The following USH1C variants were observed in gnomAD, a reference collection of about 807,000 sequenced individuals.
USH1C encodes the protein harmonin.
In USH1C, 90 loss-of-function variants were observed where a neutral mutation model predicts 119.3. That is an observed-to-expected ratio of 0.75 (90% CI 0.64 to 0.90). The LOEUF (loss-of-function observed/expected upper bound fraction) is 0.90. Ranked by LOEUF, USH1C falls within the 40% of genes least tolerant of loss-of-function variation. The probability of loss-of-function intolerance (pLI) is 0.00; values close to 1 mark genes in which losing one functional copy is unlikely to be tolerated. For missense variants in USH1C, 1,165 were observed against 1,167.7 expected (o/e 1.00, Z 0.03); for synonymous variants, 465 against 443.3 (o/e 1.05, Z -0.62).
chr11:17,542,934 A>G (rs1406359841), intron 1 of USH1C, among the ~76,000 whole-genome samples: 2 of 152,248 alleles, frequency 1.3e-5, no homozygotes, highest in South Asian at 2.1e-4. Context: ...TGGGAGCAGG[A>G]CCAGAAATGC....
chr11:17,534,675 G>T (rs1209441092), intron 1 of USH1C, among the ~76,000 whole-genome samples: 1 of 152,142 alleles, frequency 6.6e-6, no homozygotes, highest in African/African-American at 2.4e-5. Context: ...AGGAGTTTGA[G>T]ACCAGCCTCG....
Position 17,523,414 on chromosome 11 carries a change from C to T in USH1C, c.819+5G>A. 6 of 1,614,186 alleles carry T rather than the reference C, an allele frequency of 3.7e-6. No homozygotes were observed. Among genetic ancestry groups the T allele is most frequent in the Middle Eastern group, 3.3e-4 (2 of 6,062 alleles). Reference sequence around the variant, plus strand: ...GGCCAACAGGTGAAGACCCCCACATCTCACCTCCTTGTGATCCAGGTTAGA... The same window carrying T: ...GGCCAACAGGTGAAGACCCCCACATTTCACCTCCTTGTGATCCAGGTTAGA... On this transcript the variant is annotated splice_donor_5th_base_variant and intron_variant, in intron 10 of 26. Transcript: ENST00000005226.
At position 17,531,530 on chromosome 11, in the gene USH1C, C is replaced by A. The variant is rs755530588; in HGVS notation, c.117G>T (p.Val39=). 1.2e-6 allele frequency: 2 copies of A among 1,613,398 alleles called. No homozygotes were observed. The highest frequency in any genetic ancestry group is 1.7e-6 in the Non-Finnish European group (2 of 1,180,028). The change falls in exon 3 of 27, where the codon GTG becomes GTT. Residue 39 remains valine, a synonymous_variant. Coordinates refer to ENST00000005226, the MANE Select transcript of USH1C (RefSeq NM_153676.4). The surrounding 1 kb of genome is among the most constrained non-coding windows in gnomAD (Gnocchi z 4.2). ...GCTTCAGGTCTCCCACGAGCACGGCCACGTCCATGGTCCTGTGGAGATGCC... is the reference window on the plus strand; with the variant it reads ...GCTTCAGGTCTCCCACGAGCACGGCAACGTCCATGGTCCTGTGGAGATGCC... ...VLRMYHQTMD[V]AVLVGDLKLV...
intron 5 of USH1C, 32 bp downstream of exon 5, chr11:17,527,191 A>T (rs913914407): frequency 1.6e-6 from 2 of 1,278,592 alleles, no homozygotes; most frequent in African/African-American, 3.3e-5. Context: ...TCCCACCGTC[A>T]TGGAGTACTG....
Position 17,501,167 on chromosome 11 carries a change from A to G in USH1C, c.2281-17T>C, listed in dbSNP as rs775114027. The G allele has an allele frequency of 6.2e-7, 1 of 1,603,292 alleles. No individual in the cohort carries two copies. Among genetic ancestry groups the G allele is most frequent in the African/African-American group, 1.3e-5 (1 of 74,590 alleles). Reference sequence around the variant, plus strand: ...GGATCCCTCCTGGTTAGAGGAAAACAGGCCTTAGGGAGCCAAGCAGACAGC... The same window carrying G: ...GGATCCCTCCTGGTTAGAGGAAAACGGGCCTTAGGGAGCCAAGCAGACAGC... On this transcript the variant is annotated splice_polypyrimidine_tract_variant and intron_variant, in intron 22 of 26. Transcript: ENST00000005226.
rs148694941 is a variant in USH1C at position 17,496,305 on chromosome 11, C to T, written c.2546+453G>A. Among the ~76,000 whole-genome samples, 1,260 of 152,260 alleles carry T rather than the reference C, an allele frequency of 8.3e-3. 13 individuals are homozygous for T. The highest frequency in any genetic ancestry group is 0.034 in the Admixed American group (518 of 15,294). On this transcript the variant is annotated intron_variant, in intron 25 of 26. Transcript: ENST00000005226. ...CCAAAGCTCCCTGGAGATCCCACAGCGTGGGGACAAAAGCCTGTGGTCCCG... is the reference window on the plus strand; with the variant it reads ...CCAAAGCTCCCTGGAGATCCCACAGTGTGGGGACAAAAGCCTGTGGTCCCG...
At chr11:17,513,372 T>C (rs1377017262) in intron 15 of USH1C, among the ~76,000 whole-genome samples, 1 of 151,728 alleles carries the variant, frequency 6.6e-6, no homozygotes, top group Non-Finnish European at 1.5e-5. Context: ...GGATCTGCTC[T>C]TGAATTTTCT....
At chr11:17,510,728 T>C (rs1384562438) in intron 16 of USH1C, among the ~76,000 whole-genome samples, 1 of 152,078 alleles carries the variant, frequency 6.6e-6, no homozygotes, top group Non-Finnish European at 1.5e-5. Flanking sequence ...TCAAATTCAC[T>C]AAGCAGAACT....
chr11:17,541,620 G>A (rs1478579673), intron 1 of USH1C, among the ~76,000 whole-genome samples: 1 of 152,352 alleles, frequency 6.6e-6, no homozygotes, highest in South Asian at 2.1e-4. Context: ...GTTCTCTGAG[G>A]GAGAAAACAG....
chr11:17,536,872 GTAGAATGCTCTT>G (rs1306813391), intron 1 of USH1C, among the ~76,000 whole-genome samples: 1 of 152,232 alleles, frequency 6.6e-6, no homozygotes, highest in Non-Finnish European at 1.5e-5. Flanking sequence ...TCTGGTTTGT[GTAGAATGCTCTT>G]TAAATATGAA....
intron 4 of USH1C, among the ~76,000 whole-genome samples, chr11:17,527,561 C>A (rs1039619905): frequency 3.9e-5 from 6 of 152,142 alleles, no homozygotes; most frequent in African/African-American, 1.4e-4. Flanking sequence ...GATGGAGAAA[C>A]CAAGACAGGG....
chr11:17,543,475 T>A (rs1851560847), intron 1 of USH1C, among the ~76,000 whole-genome samples: 1 of 144,436 alleles, frequency 6.9e-6, no homozygotes, highest in Non-Finnish European at 1.6e-5. Flanking sequence ...GGTGGGGAAG[T>A]AGGCTGGATC....
At chr11:17,536,874 A>G (rs1405471857) in intron 1 of USH1C, among the ~76,000 whole-genome samples, 1 of 152,256 alleles carries the variant, frequency 6.6e-6, no homozygotes, top group African/African-American at 2.4e-5. Context: ...TGGTTTGTGT[A>G]GAATGCTCTT....
At chr11:17,526,560 G>T (rs375126997) in intron 7 of USH1C, 119 bp from the exon 8 acceptor site, 20 of 1,134,578 alleles carry the variant, frequency 1.8e-5, no homozygotes, top group African/African-American at 1.2e-4. Flanking sequence ...TCATCATTCC[G>T]TCCCTGGGGA....
chr11:17,533,485 C>A, intron 1 of USH1C, 163 bp from the exon 2 acceptor site: 1 of 690,986 alleles, frequency 1.4e-6, no homozygotes, highest in Non-Finnish European at 2.6e-6. Flanking sequence ...CCTCTGACCC[C>A]AATGCATCAG....
At chr11:17,533,037 T>C (rs564564512) in intron 2 of USH1C, among the ~76,000 whole-genome samples, 1 of 152,328 alleles carries the variant, frequency 6.6e-6, no homozygotes, top group East Asian at 1.9e-4. Flanking sequence ...GAGACCAATC[T>C]GTCTGGCTCA....
chr11:17,501,846 C>G (rs1395887805), intron 21 of USH1C, 93 bp downstream of exon 21: 1 of 1,442,152 alleles, frequency 6.9e-7, no homozygotes, highest in Non-Finnish European at 9.6e-7. Flanking sequence ...CCCAGGACCC[C>G]AAGGCCCAGA....
chr11:17,523,114 G>A, intron 11 of USH1C, 97 bp downstream of exon 11: 1 of 1,596,350 alleles, frequency 6.3e-7, no homozygotes, highest in Non-Finnish European at 8.6e-7. Context: ...CTTCAGGGAA[G>A]GAGACCAGCC....
chr11:17,523,406 C>A lies in USH1C; in HGVS notation c.819+13G>T. 6.2e-7 allele frequency: 1 copy of A among 1,614,098 alleles called. No individual in the cohort carries two copies. Among genetic ancestry groups the A allele is most frequent in the Non-Finnish European group, 8.5e-7 (1 of 1,179,992 alleles). ...ATGACAAGGGCCAACAGGTGAAGAC[C>A]CCCACATCTCACCTCCTTGTGATCC... On this transcript the variant is annotated intron_variant, in intron 10 of 26. Transcript: ENST00000005226.
Sources: gnomAD v4.1 joint callset for allele counts (sites outside exome capture counted in the v4.1 genomes callset) on GRCh38, gnomAD v4.1.1 for gene constraint, Gnocchi (gnomAD v3.1) non-coding constraint, MANE v1.5 for transcripts, NCBI Gene and HGNC (gene_info 2026-07-23, HGNC 2026-07-21) for gene names.